DAPP1: variants seen among roughly 807,000 people sequenced by gnomAD.
DAPP1 encodes the protein dual adaptor of phosphotyrosine and 3-phosphoinositides 1.
In DAPP1, 20 loss-of-function variants were observed where a neutral mutation model predicts 41.5. The ratio of observed to expected loss-of-function variants is 0.48; its 90% CI spans 0.34 to 0.70. DAPP1 has a LOEUF of 0.70. Among genes scored for constraint, DAPP1 ranks in the 30% least tolerant of loss-of-function variants. The pLI, the probability that DAPP1 is intolerant of heterozygous loss-of-function variation, is 0.01. For synonymous variants in DAPP1, 113 were observed against 116.2 expected (o/e 0.97, Z 0.18); for missense variants, 233 against 333.4 (o/e 0.70, Z 2.35).
intron 3 of DAPP1, among the ~76,000 whole-genome samples, chr4:99,846,834 G>A (rs1177071371): frequency 6.6e-6 from 1 of 152,172 alleles, no homozygotes; most frequent in Non-Finnish European, 1.5e-5. Flanking sequence ...TATGAGACTG[G>A]AAATTAAATA....
At chr4:99,823,092 T>C (rs73835613) in intron 1 of DAPP1, among the ~76,000 whole-genome samples, 105 of 152,336 alleles carry the variant, frequency 6.9e-4, no homozygotes, top group African/African-American at 2.4e-3. Flanking sequence ...ATGTCACTTT[T>C]GAGAGATGCA....
intron 3 of DAPP1, among the ~76,000 whole-genome samples, chr4:99,843,417 CT>C (rs1288865594): frequency 1.3e-5 from 2 of 152,156 alleles, no homozygotes; most frequent in African/African-American, 4.8e-5. Context: ...ATTCCCTACT[CT>C]TTACACTTTT....
chr4:99,858,601 A>G (rs977737417), intron 4 of DAPP1, among the ~76,000 whole-genome samples: 3 of 152,060 alleles, frequency 2.0e-5, no homozygotes, highest in Non-Finnish European at 4.4e-5. Flanking sequence ...TTACTTATTA[A>G]ATTTTTACTT....
chr4:99,825,324 G>A (rs963947547), intron 1 of DAPP1, among the ~76,000 whole-genome samples: 26 of 152,192 alleles, frequency 1.7e-4, no homozygotes, highest in African/African-American at 5.5e-4. Flanking sequence ...CTGTGTTTTC[G>A]TCTTCCAGAG....
intron 1 of DAPP1, among the ~76,000 whole-genome samples, chr4:99,833,118 G>T (rs1723180199): frequency 6.6e-6 from 1 of 152,166 alleles, no homozygotes; most frequent in Non-Finnish European, 1.5e-5. Flanking sequence ...TTATAACCTT[G>T]TGGAAATTTC....
At chr4:99,853,410 A>G (rs1723938010) in intron 4 of DAPP1, 62 bp downstream of exon 4, 2 of 1,542,160 alleles carry the variant, frequency 1.3e-6, no homozygotes, top group African/African-American at 1.4e-5. Context: ...AAGTTCAATA[A>G]AAGTTAATAA....
At chr4:99,870,973 AC>A (rs754107953), downstream of DAPP1, among the ~76,000 whole-genome samples, 28 of 152,050 alleles carry the variant, frequency 1.8e-4, no homozygotes, top group Non-Finnish European at 4.0e-4. Flanking sequence ...TTGGAATGGA[AC>A]CCCATCATAA....
rs566121915 is a variant in DAPP1 at position 99,866,571 on chromosome 4, C to T, written c.774+450C>T. The T allele has an allele frequency of 9.4e-5, 72 of 766,128 alleles. 1 individual carries two copies. Among genetic ancestry groups the T allele is most frequent in the South Asian group, 9.2e-4 (69 of 74,614 alleles). The allele number at this position is 766,128 out of a possible 1,614,324, so 47.5% of individuals were successfully genotyped here. ...ACTTTGTGCAGGTCAAGGACAAAAG[C>T]TGATTTATTTTGTCTGCTCTCTGTA... is the stretch of plus-strand genomic sequence containing the variant. On this transcript the variant is annotated intron_variant, in intron 8 of 8. Transcript: ENST00000512369.
intron 2 of DAPP1, among the ~76,000 whole-genome samples, chr4:99,838,808 C>T (rs1723389335): frequency 6.6e-6 from 1 of 152,128 alleles, no homozygotes; most frequent in African/African-American, 2.4e-5. Context: ...CCAAAAAGAC[C>T]ACATACAAGT....
chr4:99,821,750 G>T (rs1722782990), intron 1 of DAPP1, among the ~76,000 whole-genome samples: 1 of 152,138 alleles, frequency 6.6e-6, no homozygotes, highest in South Asian at 2.1e-4. Context: ...CATGTTCATA[G>T]TTCTTAATAT....
In DAPP1 at chr4:99,850,364, C is replaced by T. The variant is rs148727247; in HGVS notation, c.359-2854C>T. 2.0e-3 allele frequency among the ~76,000 whole-genome samples: 300 copies of T among 151,662 alleles called. 5 individuals are homozygous for T. Among genetic ancestry groups the T allele is most frequent in the East Asian group, 0.015 (79 of 5,152 alleles). The stretch of plus-strand genomic sequence containing the variant: ...GGCAGACGTTGCAGTGAGCTGAGAT[C>T]GTGACATTGCACTCCAGCCTGGGTG... On this transcript the variant is annotated intron_variant, in intron 3 of 8. Transcript: ENST00000512369.
At chr4:99,834,618 A>T (rs1463101512) in intron 1 of DAPP1, among the ~76,000 whole-genome samples, 1 of 152,190 alleles carries the variant, frequency 6.6e-6, no homozygotes, top group Non-Finnish European at 1.5e-5. Flanking sequence ...CCACACTTGA[A>T]AAAGAGTGTG....
At chr4:99,834,745 T>C (rs779135340) in intron 1 of DAPP1, among the ~76,000 whole-genome samples, 1 of 152,176 alleles carries the variant, frequency 6.6e-6, no homozygotes, top group Non-Finnish European at 1.5e-5. Flanking sequence ...AGGGCTGCTA[T>C]AACAAAGAAC....
chr4:99,871,088 C>T (rs1255110644), downstream of DAPP1, among the ~76,000 whole-genome samples: 1 of 152,158 alleles, frequency 6.6e-6, no homozygotes, highest in East Asian at 1.9e-4. Context: ...TTCCCAACCA[C>T]ATGGCATGCA....
intron 2 of DAPP1, among the ~76,000 whole-genome samples, chr4:99,838,739 G>A (rs1047817310): frequency 1.3e-5 from 2 of 152,286 alleles, no homozygotes; most frequent in Admixed American, 1.3e-4. Context: ...CCCAGGATAG[G>A]GGATCCCTGC....
intron 1 of DAPP1, among the ~76,000 whole-genome samples, chr4:99,826,568 A>T (rs182030127): frequency 3.5e-4 from 53 of 152,362 alleles, no homozygotes; most frequent in Non-Finnish European, 2.9e-5. Flanking sequence ...CAAGAAATAT[A>T]CTATCTAAAT....
intron 2 of DAPP1, among the ~76,000 whole-genome samples, chr4:99,839,796 T>A (rs570912390): frequency 6.6e-6 from 1 of 152,342 alleles, no homozygotes; most frequent in African/African-American, 2.4e-5. Context: ...GCGTGGTGGC[T>A]AACGCCTGTA....
chr4:99,843,552 C>T (rs930473043), intron 3 of DAPP1, among the ~76,000 whole-genome samples: 5 of 152,184 alleles, frequency 3.3e-5, no homozygotes, highest in African/African-American at 1.2e-4. Context: ...TTTCATCTCT[C>T]TAATCTCCAT....
At chr4:99,817,799 C>T (rs1029245808) in intron 1 of DAPP1, among the ~76,000 whole-genome samples, 1 of 152,322 alleles carries the variant, frequency 6.6e-6, no homozygotes, top group Admixed American at 6.5e-5. Flanking sequence ...GTGGCTTTGA[C>T]ACCTGTGCAT....
Sources: allele counts gnomAD v4.1 joint callset (sites outside exome capture counted in the v4.1 genomes callset), GRCh38; gene constraint gnomAD v4.1.1; transcripts MANE v1.5; gene names NCBI Gene and HGNC (gene_info 2026-07-23, HGNC 2026-07-21).